The following OR6N1 variants were observed in gnomAD, a reference collection of about 807,000 sequenced individuals.
OR6N1 encodes the protein olfactory receptor family 6 subfamily N member 1, also known as olfactory receptor 6N1.
For synonymous variants in OR6N1, 170 were observed against 150.7 expected (o/e 1.13, Z -0.94); for missense variants, 394 against 371.7 (o/e 1.06, Z -0.49).
chr1:158,779,018 C>CAAAAAAAAAAAAAAAAA, the OR6N1 span, among the ~76,000 whole-genome samples: 52 of 86,204 alleles, frequency 6.0e-4, no homozygotes, highest in African/African-American at 1.8e-3. Flanking sequence ...GACTGCGTCT[C>CAAAAAAAAAAAAAAAAA]AAAAAAAAAA....
chr1:158,766,072 G>A lies in OR6N1; in HGVS notation c.611C>T (p.Ser204Phe), dbSNP rs1485544575. The A allele has an allele frequency of 1.2e-6, 2 of 1,614,054 alleles. No homozygotes were observed. The highest frequency in any genetic ancestry group is 1.7e-5 in the Admixed American group (1 of 60,010). The change falls in exon 2 of 2, where the codon TCC (serine) becomes TTC (phenylalanine). Residue 204 changes from serine (S) to phenylalanine (F), a missense_variant. By Grantham distance (155) the Ser-to-Phe change is radical. Coordinates refer to ENST00000641846, the MANE Select transcript of OR6N1 (RefSeq NM_001005185.2). ...CAGGAAGGTGGCTAGGATCTTGCAG[G>A]AATTTATAACAAAATCTACTAGGAC... is the stretch of plus-strand genomic sequence containing the variant. ...INVLVDFVIN[S>F]CKILATFLLI...
chr1:158,838,782 G>T, the OR6N1 span, among the ~76,000 whole-genome samples: 1 of 151,916 alleles, frequency 6.6e-6, no homozygotes, highest in South Asian at 2.1e-4. Flanking sequence ...TTTTAAAAAA[G>T]TTTGTTCTTC....
At chr1:158,798,556 T>G in the OR6N1 span, among the ~76,000 whole-genome samples, 1 of 151,834 alleles carries the variant, frequency 6.6e-6, no homozygotes, top group Non-Finnish European at 1.5e-5. Flanking sequence ...CTAATTTATT[T>G]ATATCACTAG....
intron 1 of OR6N1, among the ~76,000 whole-genome samples, chr1:158,770,749 C>G (rs1657404644): frequency 6.6e-6 from 1 of 152,176 alleles, no homozygotes; most frequent in African/African-American, 2.4e-5. Context: ...AATTTTGATT[C>G]AGCCCAGCAA....
the OR6N1 span, among the ~76,000 whole-genome samples, chr1:158,832,144 C>T: frequency 6.6e-6 from 1 of 152,232 alleles, no homozygotes; most frequent in South Asian, 2.1e-4. Context: ...ATGCTTTACT[C>T]AGTCATAGAT....
Position 158,765,763 on chromosome 1 carries a change from C to A in OR6N1, c.920G>T (p.Arg307Ile), listed in dbSNP as rs772684070. The A allele has an allele frequency of 6.2e-7, 1 of 1,613,494 alleles. No homozygotes were observed. The highest frequency in any genetic ancestry group is 8.5e-7 in the Non-Finnish European group (1 of 1,179,510). Residue 307 changes from arginine to isoleucine, a missense_variant, in exon 2 of 2, where the codon AGA becomes ATA. By Grantham distance (97) the Arg-to-Ile change is moderately conservative. Transcript: ENST00000641846. ...IKEAVRRQLK[R>I]IGILA ...CCCAACTCATGCCAATATCCCAATTCTCTTTAGCTGCCTCCTCACAGCCTC... is the reference window on the plus strand; with the variant it reads ...CCCAACTCATGCCAATATCCCAATTATCTTTAGCTGCCTCCTCACAGCCTC...
the OR6N1 span, among the ~76,000 whole-genome samples, chr1:158,781,834 A>G: frequency 1.3e-5 from 2 of 152,240 alleles, no homozygotes. Flanking sequence ...GCTAAGCAAC[A>G]CATGTTGTTC....
the OR6N1 span, among the ~76,000 whole-genome samples, chr1:158,837,523 C>A: frequency 6.6e-6 from 1 of 151,712 alleles, no homozygotes; most frequent in Non-Finnish European, 1.5e-5. Flanking sequence ...ATAGCAAACT[C>A]TGCTCTCTTA....
chr1:158,793,760 A>C, the OR6N1 span, among the ~76,000 whole-genome samples: 1 of 152,144 alleles, frequency 6.6e-6, no homozygotes, highest in Non-Finnish European at 1.5e-5. Flanking sequence ...GCTTCAGGCC[A>C]GTAGGAGGTG....
chr1:158,786,678 AC>A, the OR6N1 span, among the ~76,000 whole-genome samples: 1 of 152,212 alleles, frequency 6.6e-6, no homozygotes, highest in Non-Finnish European at 1.5e-5. Context: ...ATCAAAAGGA[AC>A]AAAATAATGT....
At chr1:158,835,782 T>G in the OR6N1 span, among the ~76,000 whole-genome samples, 1 of 152,068 alleles carries the variant, frequency 6.6e-6, no homozygotes, top group Non-Finnish European at 1.5e-5. Context: ...GACTTTACTA[T>G]GTTGAAGTAA....
At chr1:158,814,688 G>A in the OR6N1 span, among the ~76,000 whole-genome samples, 1 of 152,084 alleles carries the variant, frequency 6.6e-6, no homozygotes, top group African/African-American at 2.4e-5. Flanking sequence ...TAAGGGTTCT[G>A]CCCTCATGAC....
chr1:158,824,021 C>A, the OR6N1 span, among the ~76,000 whole-genome samples: 2 of 151,110 alleles, frequency 1.3e-5, no homozygotes, highest in Non-Finnish European at 3.0e-5. Context: ...GTATGACTTT[C>A]AGAAATTTTC....
chr1:158,813,963 G>T, the OR6N1 span, among the ~76,000 whole-genome samples: 2 of 152,064 alleles, frequency 1.3e-5, no homozygotes, highest in African/African-American at 4.8e-5. Context: ...GCCTCCCAAA[G>T]TGTTGATATT....
the OR6N1 span, among the ~76,000 whole-genome samples, chr1:158,805,191 G>A: frequency 6.6e-6 from 1 of 152,210 alleles, no homozygotes; most frequent in Non-Finnish European, 1.5e-5. Context: ...ATGTACTTGA[G>A]TTTGAATGTC....
chr1:158,800,271 C>G, the OR6N1 span, among the ~76,000 whole-genome samples: 3 of 151,992 alleles, frequency 2.0e-5, no homozygotes, highest in Non-Finnish European at 4.4e-5. Context: ...TTGGCTTACC[C>G]CAACAGTTGA....
the OR6N1 span, among the ~76,000 whole-genome samples, chr1:158,818,615 G>A: frequency 8.0e-3 from 1,221 of 152,278 alleles, 15 homozygotes; most frequent in African/African-American, 0.028. Flanking sequence ...TGTACATGGA[G>A]AGGAGAGATC....
At chr1:158,805,300 A>G in the OR6N1 span, among the ~76,000 whole-genome samples, 256 of 152,354 alleles carry the variant, frequency 1.7e-3, no homozygotes, top group South Asian at 2.9e-3. Flanking sequence ...ATGTTGCTAG[A>G]GTCAATATCC....
chr1:158,821,585 G>T, the OR6N1 span, among the ~76,000 whole-genome samples: 4 of 151,962 alleles, frequency 2.6e-5, no homozygotes, highest in South Asian at 2.1e-4. Context: ...ATTTAATAAG[G>T]TTTCTCCATA....
Sources: gnomAD v4.1 joint callset for allele counts (sites outside exome capture counted in the v4.1 genomes callset) on GRCh38, gnomAD v4.1.1 for gene constraint, MANE v1.5 for transcripts, NCBI Gene and HGNC (gene_info 2026-07-23, HGNC 2026-07-21) for gene names.